The following KCNG2 variants were observed in gnomAD, a reference collection of about 807,000 sequenced individuals.
The protein encoded by KCNG2 is voltage-gated potassium channel regulatory subunit KCNG2.
Under a neutral mutation model 12.3 loss-of-function variants are expected in KCNG2, and 7 were observed. That is an observed-to-expected ratio of 0.57 (90% CI 0.32 to 1.07). The LOEUF is 1.07. Ranked by LOEUF, KCNG2 falls within the 50% of genes least tolerant of loss-of-function variation. KCNG2 has a pLI of 0.04. For synonymous variants in KCNG2, 414 were observed against 351.4 expected (o/e 1.18, Z -1.99); for missense variants, 703 against 726.0 (o/e 0.97, Z 0.36).
chr18:79,868,430 A>G (rs1160552795), intron 3 of KCNG2, among the ~76,000 whole-genome samples: 3 of 150,586 alleles, frequency 2.0e-5, no homozygotes, highest in Non-Finnish European at 4.4e-5. Flanking sequence ...CGCCCTCTGC[A>G]TGGGGCCTGG....
At chr18:79,821,996 G>A (rs2087574349) in intron 1 of KCNG2, among the ~76,000 whole-genome samples, 1 of 152,188 alleles carries the variant, frequency 6.6e-6, no homozygotes, top group Non-Finnish European at 1.5e-5. Context: ...CTAGAAGTGG[G>A]CTGAGTGAAT....
At chr18:79,898,747 A>AG (rs1317891595) in intron 3 of KCNG2, among the ~76,000 whole-genome samples, 2 of 152,228 alleles carry the variant, frequency 1.3e-5, no homozygotes, top group Non-Finnish European at 2.9e-5. Context: ...TGCTCTTAAG[A>AG]CCATTTCCCA....
rs199712127 is a variant in KCNG2, at chr18:79,863,947, C to T, written c.280C>T (p.Arg94Trp). The change falls in exon 3 of 4, where the codon CGG becomes TGG. Residue 94 changes from arginine (R) to tryptophan (W), a missense_variant. Arg to Trp is a moderately radical substitution (Grantham distance 101). Coordinates refer to ENST00000316249, the MANE Select transcript of KCNG2 (RefSeq NM_012283.2). The part of the protein sequence containing the change: ...LLRAGKLRLL[R>W]GPCALAFRDE... ...GCGCGCAGGGAAGCTGCGACTGCTG[C>T]GGGGCCCGTGCGCGCTGGCCTTCCG... 124 of 1,325,146 alleles carry T rather than the reference C, an allele frequency of 9.4e-5. No homozygotes were observed. The highest frequency in any genetic ancestry group is 2.2e-4 in the Middle Eastern group (1 of 4,650). 82.1% of individuals were successfully genotyped at this position (1,325,146 alleles called of 1,614,324 possible). A position where few individuals can be genotyped will look rare whatever the true frequency, so the allele number is the denominator to read the frequency against.
intron 2 of KCNG2, among the ~76,000 whole-genome samples, chr18:79,858,904 T>C (rs995310152): frequency 2.6e-5 from 4 of 152,222 alleles, no homozygotes; most frequent in African/African-American, 7.2e-5. Context: ...CCTCTGCCCA[T>C]GTTTAAATTG....
intron 1 of KCNG2, among the ~76,000 whole-genome samples, chr18:79,806,154 A>G (rs1157992837): frequency 6.6e-6 from 1 of 152,212 alleles, no homozygotes; most frequent in Non-Finnish European, 1.5e-5. Flanking sequence ...CCCTCATTCA[A>G]AGGGGCTGAG....
chr18:79,887,201 AG>A, intron 3 of KCNG2, among the ~76,000 whole-genome samples: 1 of 151,078 alleles, frequency 6.6e-6, no homozygotes, highest in South Asian at 2.1e-4. Flanking sequence ...AGATGGGGAC[AG>A]GGACACGGGG....
In KCNG2 at chr18:79,879,031, C is replaced by T. The variant is rs757189934; in HGVS notation, c.624+14740C>T. Among the ~76,000 whole-genome samples the T allele has an allele frequency of 1.3e-4, 20 of 152,340 alleles. No homozygotes were observed. The East Asian group carries it at 1.9e-3, about 15-fold the overall frequency. ...TTTGTACCAGCTCCTGGCCCCATGC[C>T]GCCTCCCTGGAGACCCGGATGTGGG... is the stretch of plus-strand genomic sequence containing the variant. On this transcript the variant is annotated intron_variant, in intron 3 of 3. Coordinates refer to ENST00000316249, the MANE Select transcript of KCNG2 (RefSeq NM_012283.2).
intron 3 of KCNG2, among the ~76,000 whole-genome samples, chr18:79,898,696 A>C (rs1981068428): frequency 6.6e-6 from 1 of 152,248 alleles, no homozygotes; most frequent in Non-Finnish European, 1.5e-5. Context: ...CCTTTCTTCC[A>C]GAATTTTCAC....
chr18:79,812,212 C>T (rs968864043), intron 1 of KCNG2, among the ~76,000 whole-genome samples: 2 of 151,960 alleles, frequency 1.3e-5, no homozygotes, highest in African/African-American at 4.8e-5. Context: ...AAGGGAAATT[C>T]GAAACACATA....
At chr18:79,836,958 C>T (rs1978332570) in intron 1 of KCNG2, among the ~76,000 whole-genome samples, 1 of 152,166 alleles carries the variant, frequency 6.6e-6, no homozygotes, top group Non-Finnish European at 1.5e-5. Context: ...GGCTTCCAAA[C>T]AGTCCCCCAC....
At chr18:79,862,701 G>A (rs970975227) in intron 2 of KCNG2, among the ~76,000 whole-genome samples, 4 of 152,156 alleles carry the variant, frequency 2.6e-5, no homozygotes, top group Admixed American at 6.5e-5. Context: ...AGCCTGTGGC[G>A]GCAACCATAA....
chr18:79,801,484 C>G (rs1302942956), intron 1 of KCNG2, among the ~76,000 whole-genome samples: 1 of 152,242 alleles, frequency 6.6e-6, no homozygotes, highest in Admixed American at 6.5e-5. Context: ...CACCCAGGCC[C>G]GGCAAGGAGG....
intron 1 of KCNG2, among the ~76,000 whole-genome samples, chr18:79,819,281 C>CA (rs1033667605): frequency 1.4e-4 from 22 of 152,338 alleles, no homozygotes; most frequent in African/African-American, 5.0e-4. Flanking sequence ...CGGAGCAGCT[C>CA]AGGCGGGCCA....
chr18:79,891,259 C>T (rs1980734351), intron 3 of KCNG2, among the ~76,000 whole-genome samples: 2 of 151,658 alleles, frequency 1.3e-5, no homozygotes, highest in Admixed American at 1.3e-4. Context: ...AAGACAGGGT[C>T]TCGCTCTGTC....
rs1352844537 is a variant in KCNG2 at position 79,805,560 on chromosome 18, CTG to C, written c.-115+7548_-115+7549del. 2.0e-5 allele frequency among the ~76,000 whole-genome samples: 3 copies of C among 151,894 alleles called. No homozygotes were observed. The East Asian group carries it at 5.8e-4, about 29-fold the overall frequency. On this transcript the variant is annotated intron_variant, in intron 1 of 3. Coordinates refer to ENST00000316249, the MANE Select transcript of KCNG2 (RefSeq NM_012283.2). Reference sequence around the variant, plus strand: ...TTGCCTTTTTTTTTTCTTCTATCGTCTGTTTCTCAGTGATGATCTTAGTGGCT... The same window carrying C: ...TTGCCTTTTTTTTTTCTTCTATCGTCTTTCTCAGTGATGATCTTAGTGGCT...
chr18:79,884,761 C>T lies in KCNG2; in HGVS notation c.625-14279C>T, dbSNP rs370637237. Among the ~76,000 whole-genome samples, 12 of 152,234 alleles carry T rather than the reference C, an allele frequency of 7.9e-5. No homozygotes were observed. The highest frequency in any genetic ancestry group is 2.1e-4 in the South Asian group (1 of 4,820). ...GGGGTCCGCCCGGCTCTGTGTTCCT[C>T]GGGGGGGCTCATCCTGGGGCCCAGG... On this transcript the variant is annotated intron_variant, in intron 3 of 3. Coordinates refer to ENST00000316249, the MANE Select transcript of KCNG2 (RefSeq NM_012283.2). The surrounding 1 kb of genome is among the most constrained non-coding windows in gnomAD (Gnocchi z 5.5).
At chr18:79,814,520 G>A (rs1169783554) in intron 1 of KCNG2, among the ~76,000 whole-genome samples, 2 of 152,188 alleles carry the variant, frequency 1.3e-5, no homozygotes, top group Non-Finnish European at 2.9e-5. Flanking sequence ...CCATTTGCAC[G>A]GCATTCTTGA....
chr18:79,869,096 G>C (rs1206764746), intron 3 of KCNG2, among the ~76,000 whole-genome samples: 2 of 152,136 alleles, frequency 1.3e-5, no homozygotes, highest in African/African-American at 4.8e-5. Flanking sequence ...CCTACACACA[G>C]CCCTGCAGAC....
chr18:79,883,789 A>G (rs1220777794), intron 3 of KCNG2, among the ~76,000 whole-genome samples: 1 of 152,214 alleles, frequency 6.6e-6, no homozygotes, highest in East Asian at 1.9e-4. Flanking sequence ...GCCGGTGAGC[A>G]CACAGCGTTC....
Sources: allele counts gnomAD v4.1 joint callset (sites outside exome capture counted in the v4.1 genomes callset), GRCh38; gene constraint gnomAD v4.1.1; non-coding constraint Gnocchi (gnomAD v3.1); transcripts MANE v1.5; gene names NCBI Gene and HGNC (gene_info 2026-07-23, HGNC 2026-07-21).